The following JMJD1C variants were observed in gnomAD, a reference collection of about 807,000 sequenced individuals.
JMJD1C encodes the protein jumonji domain containing 1C, also known as jumonji domain-containing protein 1C.
In JMJD1C, 31 loss-of-function variants were observed where a neutral mutation model predicts 245.3. The observed-to-expected ratio is 0.13, with a 90% CI of 0.09 to 0.17. The LOEUF (loss-of-function observed/expected upper bound fraction) is 0.17, where lower values mean the gene tolerates loss of function less well. JMJD1C is among the 10% of genes least tolerant of loss of function. The probability of loss-of-function intolerance (pLI) is 1.00; values close to 1 mark genes in which losing one functional copy is unlikely to be tolerated. For missense variants in JMJD1C, 2,691 were observed against 3,000.2 expected (o/e 0.90, Z 2.41); for synonymous variants, 1,057 against 1,017.4 (o/e 1.04, Z -0.74).
At chr10:63,521,564 TC>T in intron 1 of JMJD1C, 1 of 1,430,098 alleles carries the variant, frequency 7.0e-7, no homozygotes. Context: ...CTGGATGATC[TC>T]CAGAGCCGTG....
At chr10:63,300,207 T>A (rs1859917212) in intron 2 of JMJD1C, among the ~76,000 whole-genome samples, 1 of 152,194 alleles carries the variant, frequency 6.6e-6, no homozygotes, top group African/African-American at 2.4e-5. Flanking sequence ...ATTACAGTAC[T>A]AGTGAGGCCA....
chr10:63,256,722 G>T (rs1853984310), intron 3 of JMJD1C, among the ~76,000 whole-genome samples: 1 of 152,192 alleles, frequency 6.6e-6, no homozygotes, highest in African/African-American at 2.4e-5. Context: ...TCTACCAGTA[G>T]TCAGTTCATA....
At chr10:63,327,136 G>A (rs1941610923) in intron 2 of JMJD1C, among the ~76,000 whole-genome samples, 1 of 152,118 alleles carries the variant, frequency 6.6e-6, no homozygotes, top group African/African-American at 2.4e-5. Context: ...ACAGTGAGCT[G>A]TGAATGCACC....
intron 1 of JMJD1C, among the ~76,000 whole-genome samples, chr10:63,387,632 T>TTA (rs1947725146): frequency 9.8e-6 from 1 of 102,066 alleles, no homozygotes; most frequent in South Asian, 3.4e-4. Flanking sequence ...AAAAAAAATT[T>TTA]TTTTTTTTTT....
chr10:63,327,663 A>C (rs1941673523), intron 2 of JMJD1C, among the ~76,000 whole-genome samples: 1 of 134,354 alleles, frequency 7.4e-6, no homozygotes, highest in South Asian at 2.8e-4. Context: ...TCAAGGGTAC[A>C]CAGAAAAAAT....
At chr10:63,264,606 GT>G (rs1431959984) in intron 3 of JMJD1C, 44 bp downstream of exon 3, 3 of 837,984 alleles carry the variant, frequency 3.6e-6, no homozygotes, top group Admixed American at 4.9e-5. Context: ...TATCAATAAA[GT>G]TTAATTAACC....
At chr10:63,519,564 G>C (rs1011834844) in intron 1 of JMJD1C, among the ~76,000 whole-genome samples, 6 of 152,204 alleles carry the variant, frequency 3.9e-5, no homozygotes, top group African/African-American at 1.4e-4. Flanking sequence ...ACATGGTAGA[G>C]GCAGAATGAC....
At chr10:63,415,961 AC>A (rs1475963681) in intron 1 of JMJD1C, among the ~76,000 whole-genome samples, 2 of 151,954 alleles carry the variant, frequency 1.3e-5, no homozygotes, top group African/African-American at 2.4e-5. Flanking sequence ...ACACAGCTGA[AC>A]CCCCACAACT....
At chr10:63,497,541 T>C (rs1285819714) in intron 1 of JMJD1C, among the ~76,000 whole-genome samples, 1 of 152,196 alleles carries the variant, frequency 6.6e-6, no homozygotes, top group African/African-American at 2.4e-5. Flanking sequence ...CTTTCAGGGC[T>C]GATGAAGAAT....
chr10:63,318,814 T>C (rs1354980798), intron 2 of JMJD1C, among the ~76,000 whole-genome samples: 1 of 152,142 alleles, frequency 6.6e-6, no homozygotes, highest in Non-Finnish European at 1.5e-5. Context: ...CTTCACTTCA[T>C]TTATCTCTTT....
Position 63,418,577 on chromosome 10 carries a change from A to G in JMJD1C, c.169-38095T>C, listed in dbSNP as rs944720078. 2.6e-5 allele frequency among the ~76,000 whole-genome samples: 4 copies of G among 152,148 alleles called. No individual in the cohort carries two copies. The East Asian group carries it at 5.8e-4, about 22-fold the overall frequency. ...TAAAGCCATGCCAAAACCAGTTAAT[A>G]TTTTCTATGCACTTATGTATCAGAC... On this transcript the variant is annotated intron_variant, in intron 1 of 25. Coordinates refer to ENST00000399262, the MANE Select transcript of JMJD1C (RefSeq NM_032776.3).
At chr10:63,216,424 A>G (rs191359701) in intron 5 of JMJD1C, among the ~76,000 whole-genome samples, 1 of 152,230 alleles carries the variant, frequency 6.6e-6, no homozygotes, top group East Asian at 1.9e-4. Context: ...TTAAAACTCC[A>G]TAGGAGCCGG....
intron 1 of JMJD1C, among the ~76,000 whole-genome samples, chr10:63,423,970 C>G (rs1227899696): frequency 1.3e-5 from 2 of 152,170 alleles, no homozygotes; most frequent in African/African-American, 4.8e-5. Context: ...GCCCTTTTCC[C>G]ATTTTAAAAT....
At chr10:63,453,591 T>C (rs926150683) in intron 1 of JMJD1C, among the ~76,000 whole-genome samples, 2 of 152,170 alleles carry the variant, frequency 1.3e-5, no homozygotes, top group Non-Finnish European at 2.9e-5. Context: ...TTTCTTAAGC[T>C]GAAACAAAGG....
chr10:63,293,395 G>A (rs1035908916), intron 2 of JMJD1C, among the ~76,000 whole-genome samples: 11 of 152,082 alleles, frequency 7.2e-5, no homozygotes, highest in Non-Finnish European at 1.5e-5. Flanking sequence ...TACCTTCCTA[G>A]CCATATTCTG....
At chr10:63,218,797 T>A (rs1848276160) in intron 4 of JMJD1C, among the ~76,000 whole-genome samples, 1 of 152,154 alleles carries the variant, frequency 6.6e-6, no homozygotes, top group South Asian at 2.1e-4. Flanking sequence ...ATGTACCAAA[T>A]AATCACAATG....
chr10:63,291,148 T>C (rs985317562), intron 2 of JMJD1C, among the ~76,000 whole-genome samples: 1 of 146,230 alleles, frequency 6.8e-6, no homozygotes, highest in African/African-American at 2.5e-5. Flanking sequence ...CTACTAACAA[T>C]ACAAAAAAAA....
rs778557165 is a variant in JMJD1C, at chr10:63,168,148, T to C, written c.7534-14A>G. ...AATATTTTTAACCTGAAAGAGATGT[T>C]GATATTTCTAATCACTTCAGTTCGA... On this transcript the variant is annotated splice_polypyrimidine_tract_variant and intron_variant, in intron 25 of 25. Coordinates refer to ENST00000399262, the MANE Select transcript of JMJD1C (RefSeq NM_032776.3). 11 of 1,532,822 alleles carry C rather than the reference T, an allele frequency of 7.2e-6. No homozygotes were observed. The Admixed American group carries it at 1.8e-4, about 26-fold the overall frequency. The allele number at this position is 1,532,822 out of a possible 1,614,324, so 95.0% of individuals were successfully genotyped here.
At chr10:63,365,207 GC>G (rs1945734928) in intron 2 of JMJD1C, among the ~76,000 whole-genome samples, 1 of 152,132 alleles carries the variant, frequency 6.6e-6, no homozygotes, top group Non-Finnish European at 1.5e-5. Flanking sequence ...CCTTAGCCAA[GC>G]CAGGCACTTC....
Sources: allele counts gnomAD v4.1 joint callset (sites outside exome capture counted in the v4.1 genomes callset), GRCh38; gene constraint gnomAD v4.1.1; transcripts MANE v1.5; gene names NCBI Gene and HGNC (gene_info 2026-07-23, HGNC 2026-07-21).